The following WDFY4 variants were observed in gnomAD, a reference collection of about 807,000 sequenced individuals.
The protein encoded by WDFY4 is WDFY family member 4.
Under a neutral mutation model 351.9 loss-of-function variants are expected in WDFY4, and 169 were observed. The ratio of observed to expected loss-of-function variants is 0.48; its 90% CI spans 0.42 to 0.55. WDFY4 has a LOEUF of 0.55. Among genes scored for constraint, WDFY4 ranks in the 20% least tolerant of loss-of-function variants. The probability of loss-of-function intolerance (pLI) is 0.00; values close to 1 mark genes in which losing one functional copy is unlikely to be tolerated. For missense variants in WDFY4, 3,803 were observed against 3,935.6 expected (o/e 0.97, Z 0.90); for synonymous variants, 1,622 against 1,574.6 (o/e 1.03, Z -0.71).
intron 12 of WDFY4, among the ~76,000 whole-genome samples, chr10:48,748,975 G>T (rs1356671610): frequency 1.3e-5 from 2 of 152,182 alleles, no homozygotes; most frequent in Non-Finnish European, 2.9e-5. Context: ...TGGTGGCTGT[G>T]TTCTTTGGTC....
At chr10:48,866,056 T>C (rs990459724) in intron 39 of WDFY4, among the ~76,000 whole-genome samples, 4 of 152,094 alleles carry the variant, frequency 2.6e-5, no homozygotes, top group Non-Finnish European at 1.5e-5. Flanking sequence ...TAATTTTATT[T>C]ATTGTTTTTT....
At chr10:48,826,160 G>A (rs546645841) in intron 35 of WDFY4, among the ~76,000 whole-genome samples, 2 of 152,088 alleles carry the variant, frequency 1.3e-5, no homozygotes, top group South Asian at 2.1e-4. Context: ...GTCCAGTTTC[G>A]ATTTTCTGTG....
At chr10:48,753,329 T>C (rs1050071042) in intron 12 of WDFY4, among the ~76,000 whole-genome samples, 1 of 152,180 alleles carries the variant, frequency 6.6e-6, no homozygotes, top group Non-Finnish European at 1.5e-5. Context: ...TCCTTTCATT[T>C]TCTTAATAAT....
intron 1 of WDFY4, among the ~76,000 whole-genome samples, chr10:48,685,579 C>T (rs2063021422): frequency 1.3e-5 from 2 of 152,200 alleles, no homozygotes; most frequent in South Asian, 4.1e-4. Flanking sequence ...TGAATTATTA[C>T]AGCAAACCAT....
chr10:48,910,376 T>C, intron 47 of WDFY4: 1 of 845,122 alleles, frequency 1.2e-6, no homozygotes, highest in East Asian at 2.4e-5. Flanking sequence ...GATGGTCAGG[T>C]TAGTGTGAAT....
Position 48,820,298 on chromosome 10 carries a change from C to T in WDFY4, c.5570C>T (p.Thr1857Ile), listed in dbSNP as rs552002946. The part of the protein sequence containing the change: ...SPEAAAEGDS[T>I]VEGLQAPTKA... ...GAGGCCGCAGCTGAAGGCGACAGCACAGTGGAGGGTCTCCAGGCTCCCACC... is the reference window on the plus strand; with the variant it reads ...GAGGCCGCAGCTGAAGGCGACAGCATAGTGGAGGGTCTCCAGGCTCCCACC... The change falls in exon 33 of 62, where the codon ACA (threonine) becomes ATA (isoleucine). Residue 1857 changes from threonine (T) to isoleucine (I), a missense_variant. Transcript: ENST00000325239. 12 of 1,551,664 alleles carry T rather than the reference C, an allele frequency of 7.7e-6. No individual in the cohort carries two copies. The highest frequency in any genetic ancestry group is 8.7e-7 in the Non-Finnish European group (1 of 1,146,996).
In WDFY4 at chr10:48,969,060, G is replaced by A. The variant is rs966567822; in HGVS notation, c.8585-4G>A. On this transcript the variant is annotated splice_region_variant and splice_polypyrimidine_tract_variant and intron_variant, in intron 55 of 61. Transcript: ENST00000325239. ...ATAAGTTCGCCATACTAACTGGGGT[G>A]TAGATATGTACCTCTTTTCTCTAGG... The A allele has an allele frequency of 1.9e-6, 3 of 1,551,172 alleles. No individual in the cohort carries two copies. The highest frequency in any genetic ancestry group is 2.6e-6 in the Non-Finnish European group (3 of 1,146,578).
At chr10:48,734,093 G>A (rs1476524110) in intron 10 of WDFY4, 58 bp downstream of exon 10, 2 of 1,430,956 alleles carry the variant, frequency 1.4e-6, no homozygotes, top group Admixed American at 3.9e-5. Flanking sequence ...ACTCTTTCCT[G>A]GTTATTTATG....
intron 13 of WDFY4, among the ~76,000 whole-genome samples, chr10:48,773,031 G>A (rs1049745608): frequency 2.0e-5 from 3 of 152,204 alleles, no homozygotes; most frequent in South Asian, 4.1e-4. Context: ...CTTTATAGCA[G>A]CATGAGAAAA....
chr10:48,796,467 C>T lies in WDFY4; in HGVS notation c.4410+17C>T. ...AATTTCGAGGTAAATCAGAGATTGG[C>T]CCTTAGTCCTTCAGGAGTGTGTGTG... On this transcript the variant is annotated intron_variant, in intron 24 of 61. Coordinates refer to ENST00000325239, the MANE Select transcript of WDFY4 (RefSeq NM_001394531.1). 6.5e-7 allele frequency: 1 copy of T among 1,547,828 alleles called. No homozygotes were observed. The highest frequency in any genetic ancestry group is 8.7e-7 in the Non-Finnish European group (1 of 1,146,668).
chr10:48,788,782 A>G, intron 21 of WDFY4, 107 bp downstream of exon 21: 1 of 1,354,446 alleles, frequency 7.4e-7, no homozygotes, highest in Non-Finnish European at 9.9e-7. Context: ...ACTTGTGTAG[A>G]TGGATACACA....
rs41281997 is a variant in WDFY4, at chr10:48,727,521, C to T, written c.833C>T (p.Thr278Ile). 15 of 1,551,804 alleles carry T rather than the reference C, an allele frequency of 9.7e-6. No homozygotes were observed. The highest frequency in any genetic ancestry group is 1.3e-5 in the Non-Finnish European group (15 of 1,147,010). The change falls in exon 7 of 62, where the codon ACT (threonine) becomes ATT (isoleucine). Residue 278 changes from threonine (T) to isoleucine (I), a missense_variant. Transcript: ENST00000325239. ...SLQNLSRLTD[T>I]LPAPEVSEAV... Reference sequence around the variant, plus strand: ...CAGAACCTCTCCAGGCTCACGGACACTCTCCCTGCCCCTGAAGTGAGCGAG... The same window carrying T: ...CAGAACCTCTCCAGGCTCACGGACATTCTCCCTGCCCCTGAAGTGAGCGAG...
intron 35 of WDFY4, among the ~76,000 whole-genome samples, chr10:48,824,537 C>T (rs377010717): frequency 6.6e-6 from 1 of 152,146 alleles, no homozygotes; most frequent in South Asian, 2.1e-4. Context: ...CTTTTTTTAA[C>T]ACAAATTTTC....
At position 48,982,775 on chromosome 10, in the gene WDFY4, C is replaced by T. The variant is rs1290563693; in HGVS notation, c.*200C>T. Reference sequence around the variant, plus strand: ...GGGACTTCTATGAAAAGGATGAGCACACACACTCGGAGGGCTGAGCAGCAC... The same window carrying T: ...GGGACTTCTATGAAAAGGATGAGCATACACACTCGGAGGGCTGAGCAGCAC... On this transcript the variant is annotated 3_prime_UTR_variant, in exon 62 of 62. Transcript: ENST00000325239. The T allele has an allele frequency of 1.6e-6, 1 of 617,130 alleles. No individual in the cohort carries two copies. The highest frequency in any genetic ancestry group is 2.2e-5 in the Admixed American group (1 of 46,380). The allele number at this position is 617,130 out of a possible 1,614,324, so 38.2% of individuals were successfully genotyped here. A position where few individuals can be genotyped will look rare whatever the true frequency, so the allele number is the denominator to read the frequency against.
chr10:48,704,326 G>A (rs2063564121), intron 1 of WDFY4, among the ~76,000 whole-genome samples: 1 of 152,162 alleles, frequency 6.6e-6, no homozygotes. Flanking sequence ...TGTGTGAGAA[G>A]GCAAGTTTCT....
intron 12 of WDFY4, among the ~76,000 whole-genome samples, chr10:48,755,067 A>T (rs2065295461): frequency 6.6e-6 from 1 of 152,140 alleles, no homozygotes. Context: ...AATAGCTCCC[A>T]GATATTGCCC....
intron 40 of WDFY4, among the ~76,000 whole-genome samples, chr10:48,868,977 G>A (rs913231559): frequency 1.3e-5 from 2 of 152,226 alleles, no homozygotes; most frequent in South Asian, 2.1e-4. Context: ...CTGGAGTTCA[G>A]AAAGGACTTG....
At chr10:48,946,289 G>A in intron 50 of WDFY4, 132 bp downstream of exon 50, 1 of 715,542 alleles carries the variant, frequency 1.4e-6, no homozygotes, top group Middle Eastern at 2.5e-4. Flanking sequence ...TAACCTGGTG[G>A]TAGGAAGTGC....
chr10:48,751,271 A>T (rs2065173015), intron 12 of WDFY4, among the ~76,000 whole-genome samples: 1 of 152,234 alleles, frequency 6.6e-6, no homozygotes, highest in African/African-American at 2.4e-5. Context: ...GATGAGAGTT[A>T]TCTGGTCTGA....
Sources: gnomAD v4.1 joint callset for allele counts (sites outside exome capture counted in the v4.1 genomes callset) on GRCh38, gnomAD v4.1.1 for gene constraint, MANE v1.5 for transcripts, NCBI Gene and HGNC (gene_info 2026-07-23, HGNC 2026-07-21) for gene names.